DDC: variants seen among roughly 807,000 people sequenced by gnomAD.
DDC encodes aromatic-L-amino-acid decarboxylase.
Under a neutral mutation model 60.0 loss-of-function variants are expected in DDC, and 43 were observed. The ratio of observed to expected loss-of-function variants is 0.72; its 90% CI spans 0.56 to 0.92. The LOEUF is 0.92. Ranked by LOEUF, DDC falls within the 40% of genes least tolerant of loss-of-function variation. The pLI is 0.00. For missense variants in DDC, 573 were observed against 620.2 expected (o/e 0.92, Z 0.81); for synonymous variants, 232 against 234.6 (o/e 0.99, Z 0.10).
At chr7:50,495,569 T>C (rs1336125727) in intron 8 of DDC, 152 bp from the exon 9 acceptor site, 1 of 690,564 alleles carries the variant, frequency 1.4e-6, no homozygotes, top group African/African-American at 1.8e-5. Context: ...TAGTAACTTG[T>C]AGTGGGTAGG....
At chr7:50,540,831 G>A (rs1382250798) in intron 2 of DDC, among the ~76,000 whole-genome samples, 1 of 152,190 alleles carries the variant, frequency 6.6e-6, no homozygotes, top group African/African-American at 2.4e-5. Context: ...TTGGGGACAG[G>A]GGGTTTCAGG....
intron 7 of DDC, 28 bp from the exon 8 acceptor site, chr7:50,499,270 C>G: frequency 6.5e-7 from 1 of 1,534,800 alleles, no homozygotes; most frequent in Non-Finnish European, 9.0e-7. Context: ...CTTGTGAGTC[C>G]CCAGATGGAT....
chr7:50,514,373 T>C (rs2043669962), intron 6 of DDC, among the ~76,000 whole-genome samples: 1 of 151,908 alleles, frequency 6.6e-6, no homozygotes, highest in African/African-American at 2.4e-5. Context: ...CCTACACAAA[T>C]GAGAAAGAAC....
At chr7:50,553,667 A>G (rs1487361795) in intron 1 of DDC, among the ~76,000 whole-genome samples, 1 of 151,350 alleles carries the variant, frequency 6.6e-6, no homozygotes, top group Non-Finnish European at 1.5e-5. Context: ...TTGTATTTTT[A>G]GTAGAGATGG....
rs916297472 is a variant in DDC, at chr7:50,537,759, G to A, written c.435+101C>T. On this transcript the variant is annotated intron_variant, in intron 4 of 14. Transcript: ENST00000444124. ...TGTTTATTCTCCAGGAGAAATTTGA[G>A]GAACTAACAAGAAGCATGAGTGCCT... 1.3e-4 allele frequency: 185 copies of A among 1,440,908 alleles called. 1 individual carries two copies. The highest frequency in any genetic ancestry group is 1.7e-4 in the Non-Finnish European group (175 of 1,023,896). The allele number at this position is 1,440,908 out of a possible 1,614,324, so 89.3% of individuals were successfully genotyped here.
intron 12 of DDC, among the ~76,000 whole-genome samples, chr7:50,467,721 C>T (rs2042429276): frequency 1.3e-5 from 2 of 152,224 alleles, no homozygotes; most frequent in South Asian, 4.1e-4. Flanking sequence ...CAGCCCACAA[C>T]ACAGAAGATA....
intron 1 of DDC, among the ~76,000 whole-genome samples, chr7:50,545,116 T>A (rs1005763174): frequency 1.3e-5 from 2 of 152,164 alleles, no homozygotes; most frequent in East Asian, 3.8e-4. Context: ...TGGCACTGAA[T>A]AGACAGAGAG....
rs935422476 is a variant in DDC, at chr7:50,528,790, C to A, written c.570+418G>T. Among the ~76,000 whole-genome samples, 4 of 152,090 alleles carry A rather than the reference C, an allele frequency of 2.6e-5. No individual in the cohort carries two copies. The East Asian group carries it at 7.7e-4, about 29-fold the overall frequency. ...TCAGGAAAGGCAATTCTCATGAAAGCCGGCCACCTTTTGCCCTGCAGCCCC... is the reference window on the plus strand; with the variant it reads ...TCAGGAAAGGCAATTCTCATGAAAGACGGCCACCTTTTGCCCTGCAGCCCC... On this transcript the variant is annotated intron_variant, in intron 5 of 14. Coordinates refer to ENST00000444124, the MANE Select transcript of DDC (RefSeq NM_001082971.2).
chr7:50,488,688 T>C (rs527797411), intron 9 of DDC, among the ~76,000 whole-genome samples: 2 of 152,306 alleles, frequency 1.3e-5, no homozygotes, highest in East Asian at 1.9e-4. Context: ...ATAGTCTTTC[T>C]AGAAATTGGG....
chr7:50,527,100 T>A (rs956879607), intron 6 of DDC, among the ~76,000 whole-genome samples: 8 of 152,200 alleles, frequency 5.3e-5, no homozygotes, highest in Non-Finnish European at 8.8e-5. Context: ...GTGTTCTTAG[T>A]TTTTTGTGGT....
At chr7:50,490,064 G>T (rs2042966970) in intron 9 of DDC, among the ~76,000 whole-genome samples, 1 of 151,946 alleles carries the variant, frequency 6.6e-6, no homozygotes. Flanking sequence ...ATGAATGACT[G>T]ATTTTACAAT....
intron 1 of DDC, among the ~76,000 whole-genome samples, chr7:50,550,570 G>T (rs1001764544): frequency 1.3e-5 from 2 of 152,188 alleles, no homozygotes; most frequent in Non-Finnish European, 2.9e-5. Context: ...ATGACATGTG[G>T]CCAAGCTTGG....
chr7:50,532,131 A>G (rs2044236131), intron 4 of DDC, among the ~76,000 whole-genome samples: 1 of 152,326 alleles, frequency 6.6e-6, no homozygotes, highest in Admixed American at 6.5e-5. Flanking sequence ...GAGGGGATCA[A>G]TAATGCAGGC....
chr7:50,485,921 T>C (rs1001381057), intron 9 of DDC, among the ~76,000 whole-genome samples: 1 of 152,014 alleles, frequency 6.6e-6, no homozygotes, highest in African/African-American at 2.4e-5. Context: ...AATAATATAG[T>C]CCCTAAAAAG....
At chr7:50,512,155 T>C (rs1396084304) in intron 6 of DDC, among the ~76,000 whole-genome samples, 1 of 152,176 alleles carries the variant, frequency 6.6e-6, no homozygotes, top group African/African-American at 2.4e-5. Flanking sequence ...AGAAATGCAC[T>C]TTAAATGTCA....
chr7:50,513,642 T>C (rs1266670162), intron 6 of DDC, among the ~76,000 whole-genome samples: 5 of 151,996 alleles, frequency 3.3e-5, no homozygotes, highest in Admixed American at 2.0e-4. Context: ...AGGGGCACGG[T>C]GGGAGGGAGA....
intron 11 of DDC, among the ~76,000 whole-genome samples, chr7:50,474,985 C>T (rs2042610024): frequency 1.3e-5 from 2 of 152,174 alleles, no homozygotes; most frequent in African/African-American, 4.8e-5. Context: ...AAGGGACTTT[C>T]CCAGGGAAGT....
At chr7:50,559,642 G>T (rs1464047484) in intron 1 of DDC, among the ~76,000 whole-genome samples, 3 of 152,162 alleles carry the variant, frequency 2.0e-5, no homozygotes, top group African/African-American at 7.2e-5. Flanking sequence ...TGGCCAGGCT[G>T]GTCTTGAACT....
chr7:50,504,901 C>G (rs1392957228), intron 6 of DDC, among the ~76,000 whole-genome samples: 2 of 152,244 alleles, frequency 1.3e-5, no homozygotes, highest in Non-Finnish European at 2.9e-5. Flanking sequence ...CATTTACCAG[C>G]TTTAATCCGC....
Sources: allele counts gnomAD v4.1 joint callset (sites outside exome capture counted in the v4.1 genomes callset), GRCh38; gene constraint gnomAD v4.1.1; transcripts MANE v1.5; gene names NCBI Gene and HGNC (gene_info 2026-07-23, HGNC 2026-07-21).